Variants in MYO5B observed in about 807,000 individuals in gnomAD.
MYO5B encodes myosin VB, also known as unconventional myosin-Vb.
In MYO5B, 143 loss-of-function variants were observed where a neutral mutation model predicts 229.3. The ratio of observed to expected loss-of-function variants is 0.62; its 90% CI spans 0.54 to 0.72. MYO5B has a LOEUF of 0.72. MYO5B is among the 30% of genes least tolerant of loss of function. The pLI is 0.00. For synonymous variants in MYO5B, 918 were observed against 885.2 expected, an observed-to-expected ratio of 1.04 and a Z score of -0.66; for missense variants, 2,321 against 2,331.0, an observed-to-expected ratio of 1.00 and a Z score of 0.09.
In MYO5B at chr18:50,132,482, T is replaced by C. The variant is rs540406747; in HGVS notation, c.27+62285A>G. On this transcript the variant is annotated intron_variant, in intron 1 of 39. Transcript: ENST00000285039. ...GACATCACAATGGTTCTGTGTAAAT[T>C]AATAATGCTGATATATAACATTAAC... Among the ~76,000 whole-genome samples the C allele has an allele frequency of 4.6e-5, 7 of 152,362 alleles. No homozygotes were observed. The East Asian group carries it at 1.3e-3, about 29-fold the overall frequency.
At chr18:50,155,373 AAT>A (rs2032663025) in intron 1 of MYO5B, among the ~76,000 whole-genome samples, 1 of 152,112 alleles carries the variant, frequency 6.6e-6, no homozygotes, top group South Asian at 2.1e-4. Flanking sequence ...CCCATATTAG[AAT>A]ATGATTTAAA....
chr18:49,925,970 T>C (rs1417776295), intron 17 of MYO5B, among the ~76,000 whole-genome samples: 2 of 152,200 alleles, frequency 1.3e-5, no homozygotes, highest in African/African-American at 2.4e-5. Context: ...CAGGCCTTCA[T>C]CTGAGGTGAC....
chr18:50,062,764 T>C lies in MYO5B; in HGVS notation c.28-7386A>G, dbSNP rs1462345888. ...ATTTGGGGAGCCCAAATCAAGAACA[T>C]TCCCATTGGTGTGCTGTTGGTCATC... On this transcript the variant is annotated intron_variant, in intron 1 of 39. Coordinates refer to ENST00000285039, the MANE Select transcript of MYO5B (RefSeq NM_001080467.3). 2.0e-5 allele frequency among the ~76,000 whole-genome samples: 3 copies of C among 152,236 alleles called. No individual in the cohort carries two copies. The East Asian group carries it at 5.8e-4, about 29-fold the overall frequency.
chr18:50,130,972 A>G (rs1599043821), intron 1 of MYO5B, among the ~76,000 whole-genome samples: 1 of 151,734 alleles, frequency 6.6e-6, no homozygotes, highest in South Asian at 2.1e-4. Context: ...TGGCAGAAAA[A>G]CCTCTAGCCC....
At position 50,097,343 on chromosome 18, in the gene MYO5B, T is replaced by C. The variant is rs2031571236; in HGVS notation, c.28-41965A>G. The C allele has an allele frequency of 6.7e-5, 30 of 448,640 alleles. 1 individual carries two copies. Among genetic ancestry groups the C allele is most frequent in the South Asian group, 4.7e-4 (30 of 63,808 alleles). The allele number at this position is 448,640 out of a possible 1,614,324, so 27.8% of individuals were successfully genotyped here. ...CACAGTGAAGGCAGACACCCTGCCT[T>C]ACCATTCTTTTGATTCCCAGTCCAA... On this transcript the variant is annotated intron_variant, in intron 1 of 39. Transcript: ENST00000285039.
intron 1 of MYO5B, among the ~76,000 whole-genome samples, chr18:50,119,935 G>C (rs1410076963): frequency 6.8e-6 from 1 of 146,194 alleles, no homozygotes; most frequent in Non-Finnish European, 1.5e-5. Context: ...CTAGAACCAA[G>C]AGAGAGGGGC....
intron 1 of MYO5B, among the ~76,000 whole-genome samples, chr18:50,142,627 A>C (rs148533553): frequency 2.2e-4 from 33 of 152,332 alleles, no homozygotes; most frequent in African/African-American, 7.2e-4. Context: ...TAATTGTTTC[A>C]GTTTCACTTG....
chr18:49,857,677 C>T (rs996789240), intron 29 of MYO5B, among the ~76,000 whole-genome samples: 1 of 152,214 alleles, frequency 6.6e-6, no homozygotes, highest in Non-Finnish European at 1.5e-5. Flanking sequence ...GAACTCTTTA[C>T]CCCTCTACAT....
intron 20 of MYO5B, among the ~76,000 whole-genome samples, chr18:49,903,137 T>C (rs1890423150): frequency 6.6e-6 from 1 of 152,178 alleles, no homozygotes; most frequent in African/African-American, 2.4e-5. Flanking sequence ...GGCCTAATGA[T>C]CATCCACTTG....
chr18:50,064,316 A>G (rs150803675), intron 1 of MYO5B: 12 of 152,480 alleles, frequency 7.9e-5, no homozygotes, highest in African/African-American at 2.9e-4. Flanking sequence ...TAAGGCTGCA[A>G]TGCTGAATCC....
At position 49,936,430 on chromosome 18, in the gene MYO5B, G is replaced by A. The variant is rs531855970; in HGVS notation, c.1906-81C>T. 1,105 of 984,298 alleles carry A rather than the reference G, an allele frequency of 1.1e-3. 15 individuals are homozygous for A. The South Asian group carries it at 0.014, about 12-fold the overall frequency. 61.0% of individuals were successfully genotyped at this position (984,298 alleles called of 1,614,324 possible). ...AAAGAAAAACTCATATATGGGTGGCGGTAGTTATTGTTACTATTATATTAT... is the reference window on the plus strand; with the variant it reads ...AAAGAAAAACTCATATATGGGTGGCAGTAGTTATTGTTACTATTATATTAT... On this transcript the variant is annotated intron_variant, in intron 15 of 39. Coordinates refer to ENST00000285039, the MANE Select transcript of MYO5B (RefSeq NM_001080467.3).
At chr18:50,018,570 C>G (rs571443475) in intron 4 of MYO5B, among the ~76,000 whole-genome samples, 2 of 152,282 alleles carry the variant, frequency 1.3e-5, no homozygotes, top group Non-Finnish European at 1.5e-5. Flanking sequence ...TAGGCACTTT[C>G]TGTATATCAA....
chr18:49,965,995 C>T (rs551948164), intron 10 of MYO5B, among the ~76,000 whole-genome samples: 2 of 152,196 alleles, frequency 1.3e-5, no homozygotes, highest in Non-Finnish European at 2.9e-5. Flanking sequence ...AAGTGTCATG[C>T]AAGCCCTTCC....
intron 15 of MYO5B, among the ~76,000 whole-genome samples, chr18:49,936,561 CTTGAA>C (rs1376866195): frequency 4.6e-5 from 7 of 152,050 alleles, no homozygotes; most frequent in African/African-American, 1.7e-4. Context: ...TTAAGGGTTC[CTTGAA>C]TTACATGGGG....
At chr18:49,951,731 A>C (rs1476219281) in intron 14 of MYO5B, among the ~76,000 whole-genome samples, 1 of 152,168 alleles carries the variant, frequency 6.6e-6, no homozygotes, top group Non-Finnish European at 1.5e-5. Context: ...CTGAAAGGAC[A>C]AACTTCTACT....
At chr18:49,951,574 C>T (rs146506019) in intron 14 of MYO5B, among the ~76,000 whole-genome samples, 16 of 152,190 alleles carry the variant, frequency 1.1e-4, no homozygotes, top group Admixed American at 2.6e-4. Flanking sequence ...CAGAGTTTTC[C>T]GGGCACCACT....
intron 18 of MYO5B, among the ~76,000 whole-genome samples, chr18:49,908,025 A>AG (rs1157152557): frequency 6.6e-6 from 1 of 152,234 alleles, no homozygotes; most frequent in Non-Finnish European, 1.5e-5. Flanking sequence ...AGGAAGCCAA[A>AG]GCACGGTAGC....
intron 1 of MYO5B, among the ~76,000 whole-genome samples, chr18:50,109,992 C>T (rs1232388057): frequency 1.3e-5 from 2 of 152,148 alleles, no homozygotes; most frequent in African/African-American, 2.4e-5. Context: ...TGGCCTCTCT[C>T]ACCTCTCTAA....
chr18:50,024,151 G>C (rs1205784786), intron 4 of MYO5B, among the ~76,000 whole-genome samples: 1 of 152,144 alleles, frequency 6.6e-6, no homozygotes, highest in Non-Finnish European at 1.5e-5. Context: ...TAAAACTCTA[G>C]GAGCCCAATG....
Sources: gnomAD v4.1 joint callset for allele counts (sites outside exome capture counted in the v4.1 genomes callset) on GRCh38, gnomAD v4.1.1 for gene constraint, MANE v1.5 for transcripts, NCBI Gene and HGNC (gene_info 2026-07-23, HGNC 2026-07-21) for gene names.